The following ZBTB44 variants were observed in gnomAD, a reference collection of about 807,000 sequenced individuals.
ZBTB44 encodes zinc finger and BTB domain-containing protein 44.
In ZBTB44, 15 loss-of-function variants were observed where a neutral mutation model predicts 54.0. That is an observed-to-expected ratio of 0.28 (90% CI 0.19 to 0.43). The LOEUF is 0.43. Among genes scored for constraint, ZBTB44 ranks in the 20% least tolerant of loss-of-function variants. The probability of loss-of-function intolerance (pLI) is 1.00; values close to 1 mark genes in which losing one functional copy is unlikely to be tolerated. For missense variants in ZBTB44, 487 were observed against 707.1 expected, an observed-to-expected ratio of 0.69 and a Z score of 3.53; for synonymous variants, 230 against 250.1, an observed-to-expected ratio of 0.92 and a Z score of 0.76.
intron 1 of ZBTB44, among the ~76,000 whole-genome samples, chr11:130,265,009 T>C (rs1939149249): frequency 6.6e-6 from 1 of 152,192 alleles, no homozygotes; most frequent in African/African-American, 2.4e-5. Flanking sequence ...ATGTTACTAC[T>C]GTAATTGTTT....
chr11:130,312,506 T>C (rs1014386684), intron 1 of ZBTB44, among the ~76,000 whole-genome samples: 1 of 152,152 alleles, frequency 6.6e-6, no homozygotes, highest in African/African-American at 2.4e-5. Context: ...TTCCAGTTAA[T>C]AGGAAATTCA....
chr11:130,253,553 C>T (rs1237724842), intron 2 of ZBTB44, among the ~76,000 whole-genome samples: 1 of 152,148 alleles, frequency 6.6e-6, no homozygotes, highest in Non-Finnish European at 1.5e-5. Flanking sequence ...TAAACCACTG[C>T]TCAATGAAAT....
At chr11:130,296,126 CTA>C (rs1592058446) in intron 1 of ZBTB44, 1 of 1,513,872 alleles carries the variant, frequency 6.6e-7, no homozygotes, top group East Asian at 2.3e-5. Context: ...TGTAGACAGA[CTA>C]TGCTCTTTTC....
intron 2 of ZBTB44, among the ~76,000 whole-genome samples, chr11:130,242,790 T>C (rs1330190820): frequency 6.6e-6 from 1 of 152,192 alleles, no homozygotes; most frequent in African/African-American, 2.4e-5. Flanking sequence ...CTATTCCTGT[T>C]TGGGACTGGT....
intron 1 of ZBTB44, among the ~76,000 whole-genome samples, chr11:130,299,627 A>T (rs1355665620): frequency 2.0e-5 from 3 of 151,892 alleles, no homozygotes; most frequent in Admixed American, 1.3e-4. Context: ...TTGAATGTCT[A>T]ATGTAATAGT....
At chr11:130,274,315 A>G (rs748897285) in intron 1 of ZBTB44, among the ~76,000 whole-genome samples, 1 of 152,140 alleles carries the variant, frequency 6.6e-6, no homozygotes, top group Non-Finnish European at 1.5e-5. Context: ...TCATCTGAAA[A>G]CAGTCTTACC....
intron 1 of ZBTB44, chr11:130,295,943 C>T: frequency 2.0e-6 from 3 of 1,524,374 alleles, no homozygotes; most frequent in South Asian, 2.2e-5. Context: ...CAGAAACTTG[C>T]TAATGGGATC....
chr11:130,266,036 G>GA (rs1281559597), intron 1 of ZBTB44, among the ~76,000 whole-genome samples: 3 of 152,218 alleles, frequency 2.0e-5, no homozygotes, highest in Non-Finnish European at 4.4e-5. Context: ...ACACATTTAG[G>GA]AATTTCACAG....
At chr11:130,295,607 A>G in intron 1 of ZBTB44, 1 of 774,054 alleles carries the variant, frequency 1.3e-6, no homozygotes, top group South Asian at 1.5e-5. Flanking sequence ...TCTACATAAT[A>G]TTGTCAATGA....
Position 130,234,270 on chromosome 11 carries a change from A to G in ZBTB44, c.1572T>C (p.Asp524=), listed in dbSNP as rs772759654. 3 of 1,536,342 alleles carry G rather than the reference A, an allele frequency of 2.0e-6. No homozygotes were observed. Among genetic ancestry groups the G allele is most frequent in the Non-Finnish European group, 2.6e-6 (3 of 1,139,900 alleles). ...SELANYFQSS[D]FLVPDYLNQE... is the part of the protein sequence containing the mutation. The stretch of plus-strand genomic sequence containing the variant: ...GGTTTAAGTAGTCCGGTACTAGGAA[A>G]TCACTAGATAAGAGGCAAAGGATGA... The change falls in exon 6 of 8, where the codon GAT becomes GAC. Residue 524 remains aspartate, a synonymous_variant. Coordinates refer to ENST00000357899, the MANE Select transcript of ZBTB44 (RefSeq NM_001301098.2).
At chr11:130,313,966 A>ATATATATTTTT (rs1160244728) in intron 1 of ZBTB44, among the ~76,000 whole-genome samples, 36 of 116,228 alleles carry the variant, frequency 3.1e-4, no homozygotes, top group African/African-American at 9.9e-4. Flanking sequence ...ATATATATAT[A>ATATATATTTTT]TTTTTTTAAA....
At chr11:130,236,723 C>A in intron 5 of ZBTB44, 70 bp downstream of exon 5, 2 of 1,306,596 alleles carry the variant, frequency 1.5e-6, no homozygotes, top group Non-Finnish European at 9.7e-7. Context: ...ACACAGAAGG[C>A]TGCCCTAAAA....
rs1468928956 is a variant in ZBTB44 at position 130,262,960 on chromosome 11, C to G, written c.-56-1031G>C. 2.0e-5 allele frequency among the ~76,000 whole-genome samples: 3 copies of G among 152,188 alleles called. No individual in the cohort carries two copies. The East Asian group carries it at 5.8e-4, about 29-fold the overall frequency. ...CCTGTAGTCCCAGCTATTCGGGACG[C>G]TGATGTGGAAGGATCACTTGAGCCT... On this transcript the variant is annotated intron_variant, in intron 1 of 7. Transcript: ENST00000357899.
At chr11:130,270,104 T>C (rs767718813) in intron 1 of ZBTB44, among the ~76,000 whole-genome samples, 1 of 152,164 alleles carries the variant, frequency 6.6e-6, no homozygotes, top group Non-Finnish European at 1.5e-5. Flanking sequence ...GAGAAAGTAA[T>C]GAGACTGTTA....
chr11:130,301,654 A>C (rs1592069997), intron 1 of ZBTB44, among the ~76,000 whole-genome samples: 1 of 152,166 alleles, frequency 6.6e-6, no homozygotes, highest in African/African-American at 2.4e-5. Flanking sequence ...ATTGAGCCAG[A>C]TTCTGTCTCA....
intron 1 of ZBTB44, among the ~76,000 whole-genome samples, chr11:130,275,342 T>C (rs546165905): frequency 1.3e-5 from 2 of 152,298 alleles, no homozygotes; most frequent in East Asian, 3.9e-4. Flanking sequence ...TTTTCTTTTT[T>C]AAAATACATT....
At chr11:130,289,826 C>T (rs779785933) in intron 1 of ZBTB44, among the ~76,000 whole-genome samples, 6 of 152,098 alleles carry the variant, frequency 3.9e-5, no homozygotes, top group Non-Finnish European at 5.9e-5. Context: ...CCACCTGATT[C>T]GAGGTTTTCT....
intron 1 of ZBTB44, among the ~76,000 whole-genome samples, chr11:130,298,125 A>C (rs1941765944): frequency 6.6e-6 from 1 of 151,958 alleles, no homozygotes; most frequent in Admixed American, 6.6e-5. Flanking sequence ...AAAGGGAAAG[A>C]TAATTCCACA....
In ZBTB44 at chr11:130,244,892, A is replaced by T. The variant is rs116008501; in HGVS notation, c.1019-4996T>A. On this transcript the variant is annotated intron_variant, in intron 2 of 7. Transcript: ENST00000357899. ...CATCCACTTAAGTAAAAAGCGTTTT[A>T]AAAAACTAAATTTTAAGGCATCCAA... is the stretch of plus-strand genomic sequence containing the variant. 6.2e-3 allele frequency among the ~76,000 whole-genome samples: 946 copies of T among 152,284 alleles called. 10 individuals are homozygous for T. The highest frequency in any genetic ancestry group is 0.021 in the African/African-American group (889 of 41,552).
Sources: gnomAD v4.1 joint callset for allele counts (sites outside exome capture counted in the v4.1 genomes callset) on GRCh38, gnomAD v4.1.1 for gene constraint, MANE v1.5 for transcripts, NCBI Gene and HGNC (gene_info 2026-07-23, HGNC 2026-07-21) for gene names.